Variants in MFHAS1 observed in about 807,000 individuals in gnomAD.
The protein encoded by MFHAS1 is multifunctional ROCO family signaling regulator 1.
A neutral mutation model predicts 70.4 loss-of-function variants in MFHAS1; 50 were observed. That is an observed-to-expected ratio of 0.71 (90% CI 0.57 to 0.90). The LOEUF (loss-of-function observed/expected upper bound fraction) is 0.90, where lower values mean the gene tolerates loss of function less well. Among genes scored for constraint, MFHAS1 ranks in the 40% least tolerant of loss-of-function variants. The probability of loss-of-function intolerance (pLI) is 0.00; values close to 1 mark genes in which losing one functional copy is unlikely to be tolerated. For synonymous variants in MFHAS1, 952 were observed against 620.0 expected (o/e 1.54, Z -7.96); for missense variants, 1,795 against 1,347.6 (o/e 1.33, Z -5.20).
At chr8:8,872,688 A>G (rs1809123407) in intron 1 of MFHAS1, among the ~76,000 whole-genome samples, 1 of 152,192 alleles carries the variant, frequency 6.6e-6, no homozygotes, top group African/African-American at 2.4e-5. Flanking sequence ...GGCTGGCTGC[A>G]GTGAGGCCTG....
intron 1 of MFHAS1, among the ~76,000 whole-genome samples, chr8:8,865,271 C>A (rs1585059597): frequency 2.2e-5 from 2 of 89,834 alleles, no homozygotes; most frequent in African/African-American, 4.3e-5. Flanking sequence ...AGTGAGACTC[C>A]ATCTCAAAAA....
intron 1 of MFHAS1, among the ~76,000 whole-genome samples, chr8:8,820,064 CT>C (rs1488867567): frequency 6.6e-6 from 1 of 152,090 alleles, no homozygotes; most frequent in African/African-American, 2.4e-5. Flanking sequence ...AGTTTTTGTT[CT>C]GATTTTTCCC....
At chr8:8,795,441 T>C (rs1317132309) in intron 2 of MFHAS1, among the ~76,000 whole-genome samples, 1 of 152,250 alleles carries the variant, frequency 6.6e-6, no homozygotes, top group Non-Finnish European at 1.5e-5. Flanking sequence ...TATTTTAATA[T>C]TTAAGAAGCA....
chr8:8,825,533 G>A lies in MFHAS1; in HGVS notation c.2999-28042C>T, dbSNP rs149867968. ...CTGGAAGTCCAAGATCAAGGTGCTG[G>A]CAGGGTTGGTTTCTTCTGAGGCCTC... On this transcript the variant is annotated intron_variant, in intron 1 of 2. Coordinates refer to ENST00000276282, the MANE Select transcript of MFHAS1 (RefSeq NM_004225.3). 1.4e-4 allele frequency among the ~76,000 whole-genome samples: 22 copies of A among 152,268 alleles called. No homozygotes were observed. The East Asian group carries it at 4.0e-3, about 28-fold the overall frequency.
chr8:8,826,818 T>A (rs1807181815), intron 1 of MFHAS1, among the ~76,000 whole-genome samples: 1 of 152,092 alleles, frequency 6.6e-6, no homozygotes, highest in Non-Finnish European at 1.5e-5. Flanking sequence ...CTTTTTTCCA[T>A]CAGAAATGCA....
intron 1 of MFHAS1, among the ~76,000 whole-genome samples, chr8:8,819,609 A>G (rs1412511330): frequency 1.4e-5 from 1 of 71,720 alleles, no homozygotes; most frequent in South Asian, 4.9e-4. Flanking sequence ...AACTCAAAAC[A>G]AAAAAAAAAA....
Position 8,786,034 on chromosome 8 carries a change from G to C in MFHAS1, c.3147C>G (p.His1049Gln). 1.2e-6 allele frequency: 2 copies of C among 1,614,110 alleles called. No homozygotes were observed. The highest frequency in any genetic ancestry group is 1.7e-6 in the Non-Finnish European group (2 of 1,179,998). ...ACAGCCACAAACGTCACTGGTTTCT[G>C]TGCTTTTCACCAACATTCTTCCTGT... ...PCSKKNVGEK[H>Q]RNQ The change falls in exon 3 of 3, where the codon CAC becomes CAG. Residue 1049 changes from histidine to glutamine, a missense_variant. Transcript: ENST00000276282.
chr8:8,826,589 C>T (rs1307812698), intron 1 of MFHAS1, among the ~76,000 whole-genome samples: 4 of 152,194 alleles, frequency 2.6e-5, no homozygotes, highest in African/African-American at 7.2e-5. Context: ...AAAAATTAGC[C>T]GAGCGTGGTG....
At chr8:8,864,562 C>T (rs1808788365) in intron 1 of MFHAS1, among the ~76,000 whole-genome samples, 1 of 152,240 alleles carries the variant, frequency 6.6e-6, no homozygotes, top group African/African-American at 2.4e-5. Flanking sequence ...AGTGAGATCA[C>T]TTTTTATTTC....
At chr8:8,885,363 G>T (rs1421355284) in intron 1 of MFHAS1, among the ~76,000 whole-genome samples, 1 of 152,112 alleles carries the variant, frequency 6.6e-6, no homozygotes, top group Admixed American at 6.6e-5. Flanking sequence ...TGCAGTCAAT[G>T]CAAGTTTAAC....
At chr8:8,866,620 T>A (rs1808868152) in intron 1 of MFHAS1, among the ~76,000 whole-genome samples, 1 of 152,156 alleles carries the variant, frequency 6.6e-6, no homozygotes, top group African/African-American at 2.4e-5. Context: ...AGTCAGCCAG[T>A]AAGGATCACT....
At chr8:8,804,528 T>A (rs78232580) in intron 1 of MFHAS1, among the ~76,000 whole-genome samples, 1 of 152,212 alleles carries the variant, frequency 6.6e-6, no homozygotes, top group Non-Finnish European at 1.5e-5. Context: ...ACCAGGCCAG[T>A]TGGGGCCTCT....
At chr8:8,832,706 GCCA>G (rs541864698) in intron 1 of MFHAS1, among the ~76,000 whole-genome samples, 26 of 145,626 alleles carry the variant, frequency 1.8e-4, no homozygotes, top group Non-Finnish European at 3.1e-4. Flanking sequence ...ATAGCTGACG[GCCA>G]CCTTGAACTC....
At chr8:8,841,365 C>G (rs1183783381) in intron 1 of MFHAS1, among the ~76,000 whole-genome samples, 1 of 152,006 alleles carries the variant, frequency 6.6e-6, no homozygotes, top group East Asian at 1.9e-4. Flanking sequence ...ATCCCAGCTA[C>G]TCGGGAGGCT....
Position 8,785,462 on chromosome 8 carries a change from C to A in MFHAS1, c.*560G>T, listed in dbSNP as rs1805507011. 1 of 152,396 alleles carries A rather than the reference C, an allele frequency of 6.6e-6. No individual in the cohort carries two copies. The highest frequency in any genetic ancestry group is 2.4e-5 in the African/African-American group (1 of 41,352). 9.4% of individuals were successfully genotyped at this position (152,396 alleles called of 1,614,324 possible). A position where few individuals can be genotyped will look rare whatever the true frequency, so the allele number is the denominator to read the frequency against. ...GTCTTATACTAAAATAAGAAATCAG[C>A]CCCATCTTGGCACAGTTCTCATGCA... On this transcript the variant is annotated 3_prime_UTR_variant, in exon 3 of 3. Coordinates refer to ENST00000276282, the MANE Select transcript of MFHAS1 (RefSeq NM_004225.3).
intron 1 of MFHAS1, among the ~76,000 whole-genome samples, chr8:8,869,380 A>C (rs1193401088): frequency 6.6e-6 from 1 of 152,184 alleles, no homozygotes; most frequent in Non-Finnish European, 1.5e-5. Context: ...GGCACGCTAC[A>C]TACATAATTC....
intron 1 of MFHAS1, among the ~76,000 whole-genome samples, chr8:8,836,736 C>T (rs1563197160): frequency 6.6e-6 from 1 of 152,224 alleles, no homozygotes; most frequent in Non-Finnish European, 1.5e-5. Context: ...TCCATGAACT[C>T]AAGGTTGGGG....
In MFHAS1 at chr8:8,891,975, C is replaced by T; in HGVS notation, c.1084G>A (p.Gly362Ser). The T allele has an allele frequency of 6.2e-7, 1 of 1,612,874 alleles. No individual in the cohort carries two copies. Among genetic ancestry groups the T allele is most frequent in the South Asian group, 1.1e-5 (1 of 91,010 alleles). The change falls in exon 1 of 3, where the codon GGC becomes AGC. Residue 362 changes from glycine (G) to serine (S), a missense_variant. Gly to Ser is a moderately conservative substitution (Grantham distance 56). Transcript: ENST00000276282. This position sits in a 1 kb window ranked among gnomAD's most constrained non-coding sequence, Gnocchi z 5.4. Reference sequence around the variant, plus strand: ...CACAAACCCACCCGGGAGAGCTGGCCAAAGTGGTCGGGCAGCACCGCGATC... The same window carrying T: ...CACAAACCCACCCGGGAGAGCTGGCTAAAGTGGTCGGGCAGCACCGCGATC... ...NQIAVLPDHFGQLSRVGLWKI... is the reference protein window; with the variant it reads ...NQIAVLPDHFSQLSRVGLWKI...
rs990659695 is a variant in MFHAS1 at position 8,785,949 on chromosome 8, C to T, written c.*73G>A. 6.9e-7 allele frequency: 1 copy of T among 1,451,498 alleles called. No individual in the cohort carries two copies. Among genetic ancestry groups the T allele is most frequent in the South Asian group, 1.1e-5 (1 of 88,156 alleles). 89.9% of individuals were successfully genotyped at this position (1,451,498 alleles called of 1,614,324 possible). A position where few individuals can be genotyped will look rare whatever the true frequency, so the allele number is the denominator to read the frequency against. On this transcript the variant is annotated 3_prime_UTR_variant, in exon 3 of 3. Coordinates refer to ENST00000276282, the MANE Select transcript of MFHAS1 (RefSeq NM_004225.3). ...ACACGCTGGGGTGAGTGCAGAGGGT[C>T]TGCCAGGTGCAAAAGATGGTCCAGG...
Sources: gnomAD v4.1 joint callset for allele counts (sites outside exome capture counted in the v4.1 genomes callset) on GRCh38, gnomAD v4.1.1 for gene constraint, Gnocchi (gnomAD v3.1) non-coding constraint, MANE v1.5 for transcripts, NCBI Gene and HGNC (gene_info 2026-07-23, HGNC 2026-07-21) for gene names.